EPHA5: variants seen among roughly 807,000 people sequenced by gnomAD.
The protein encoded by EPHA5 is ephrin type-A receptor 5.
In EPHA5, 60 loss-of-function variants were observed where a neutral mutation model predicts 105.0. The observed-to-expected ratio is 0.57, with a 90% CI of 0.46 to 0.71. EPHA5 has a LOEUF of 0.71. Among genes scored for constraint, EPHA5 ranks in the 30% least tolerant of loss-of-function variants. The pLI, the probability that EPHA5 is intolerant of heterozygous loss-of-function variation, is 0.00. For missense variants in EPHA5, 1,218 were observed against 1,274.7 expected (o/e 0.96, Z 0.68); for synonymous variants, 513 against 449.1 (o/e 1.14, Z -1.80).
intron 16 of EPHA5, among the ~76,000 whole-genome samples, chr4:65,325,726 A>G (rs1720014816): frequency 2.6e-5 from 4 of 151,338 alleles, no homozygotes; most frequent in Admixed American, 2.0e-4. Context: ...GAGGAATATA[A>G]GAGACATGAG....
rs775015392 is a variant in EPHA5, at chr4:65,324,074, T to C, written c.*40A>G. The stretch of plus-strand genomic sequence containing the variant: ...ATAAATCTCAGTGCTGTTTACAAAG[T>C]GCAGAATCATTCACTTGAAGAAGCG... On this transcript the variant is annotated 3_prime_UTR_variant, in exon 17 of 17. Coordinates refer to ENST00000613740, the MANE Select transcript of EPHA5 (RefSeq NM_001281766.3). The C allele has an allele frequency of 6.8e-6, 9 of 1,329,606 alleles. No homozygotes were observed. Among genetic ancestry groups the C allele is most frequent in the Non-Finnish European group, 9.7e-6 (9 of 923,162 alleles). The allele number at this position is 1,329,606 out of a possible 1,614,324, so 82.4% of individuals were successfully genotyped here.
At chr4:65,634,431 G>A (rs1027273685) in intron 2 of EPHA5, among the ~76,000 whole-genome samples, 5 of 151,938 alleles carry the variant, frequency 3.3e-5, no homozygotes, top group Non-Finnish European at 7.4e-5. Flanking sequence ...CAGAAGCAGA[G>A]AAGAACATTT....
chr4:65,501,791 T>C (rs1294531899), intron 3 of EPHA5, among the ~76,000 whole-genome samples: 5 of 147,424 alleles, frequency 3.4e-5, no homozygotes, highest in Non-Finnish European at 7.6e-5. Context: ...CCCAAATAGC[T>C]GAAGTAATCT....
At position 65,339,249 on chromosome 4, in the gene EPHA5, T is replaced by C. The variant is rs545575686; in HGVS notation, c.2596-3124A>G. Among the ~76,000 whole-genome samples the C allele has an allele frequency of 9.2e-5, 14 of 152,240 alleles. No individual in the cohort carries two copies. The South Asian group carries it at 2.9e-3, about 32-fold the overall frequency. On this transcript the variant is annotated intron_variant, in intron 14 of 16. Transcript: ENST00000613740. ...TTGGGTTAGCATTTTTAGGTGTATATACCTGTTGTGGGTATGGTTGCTTTT... is the reference window on the plus strand; with the variant it reads ...TTGGGTTAGCATTTTTAGGTGTATACACCTGTTGTGGGTATGGTTGCTTTT...
chr4:65,371,550 T>C (rs535043835), intron 8 of EPHA5, among the ~76,000 whole-genome samples: 1 of 152,200 alleles, frequency 6.6e-6, no homozygotes, highest in African/African-American at 2.4e-5. Flanking sequence ...TATGTAGAGA[T>C]GGACAGCCAA....
At chr4:65,626,488 A>G (rs1362170160) in intron 2 of EPHA5, among the ~76,000 whole-genome samples, 2 of 152,228 alleles carry the variant, frequency 1.3e-5, no homozygotes, top group Non-Finnish European at 2.9e-5. Flanking sequence ...TATGAGAATT[A>G]TACTGCTTCA....
intron 12 of EPHA5, among the ~76,000 whole-genome samples, chr4:65,352,251 G>A (rs1722887574): frequency 6.6e-6 from 1 of 151,978 alleles, no homozygotes; most frequent in African/African-American, 2.4e-5. Flanking sequence ...GCAGTAGGAA[G>A]AAAAATTTGA....
chr4:65,408,939 C>A (rs1332342044), intron 7 of EPHA5, among the ~76,000 whole-genome samples: 1 of 151,828 alleles, frequency 6.6e-6, no homozygotes, highest in Non-Finnish European at 1.5e-5. Context: ...TGAACCAACC[C>A]AAATGTCCAA....
chr4:65,528,732 C>G (rs1735477243), intron 3 of EPHA5, among the ~76,000 whole-genome samples: 1 of 152,130 alleles, frequency 6.6e-6, no homozygotes, highest in African/African-American at 2.4e-5. Context: ...TCACATTCTG[C>G]CATTCCTAGG....
intron 5 of EPHA5, among the ~76,000 whole-genome samples, chr4:65,438,043 G>C (rs1199597846): frequency 6.6e-6 from 1 of 151,912 alleles, no homozygotes; most frequent in African/African-American, 2.4e-5. Context: ...CAGCATCATA[G>C]TAGGATCATT....
At chr4:65,380,126 G>A (rs1161004172) in intron 8 of EPHA5, among the ~76,000 whole-genome samples, 1 of 151,772 alleles carries the variant, frequency 6.6e-6, no homozygotes, top group Non-Finnish European at 1.5e-5. Context: ...AATCTTATCT[G>A]TGAGCTCTGA....
intron 5 of EPHA5, among the ~76,000 whole-genome samples, chr4:65,451,473 T>TA (rs1272966792): frequency 6.6e-6 from 1 of 152,116 alleles, no homozygotes; most frequent in Non-Finnish European, 1.5e-5. Context: ...AAGTTATATT[T>TA]AAAAATAGAA....
intron 3 of EPHA5, among the ~76,000 whole-genome samples, chr4:65,520,150 A>G (rs1034927583): frequency 4.6e-5 from 7 of 152,192 alleles, no homozygotes; most frequent in Admixed American, 2.6e-4. Flanking sequence ...ACAGTAACCA[A>G]AACAGCATGG....
intron 3 of EPHA5, among the ~76,000 whole-genome samples, chr4:65,522,056 C>T (rs1257716508): frequency 1.3e-5 from 2 of 151,836 alleles, no homozygotes; most frequent in African/African-American, 4.8e-5. Flanking sequence ...CTCAAAAACC[C>T]ATCTTGGATC....
chr4:65,526,655 T>C lies in EPHA5; in HGVS notation c.911-31112A>G, dbSNP rs112171793. Among the ~76,000 whole-genome samples, 347 of 152,076 alleles carry C rather than the reference T, an allele frequency of 2.3e-3. 1 individual carries two copies. The highest frequency in any genetic ancestry group is 8.0e-3 in the African/African-American group (333 of 41,534). ...AGTATCTACATGAGCTCAAATCATT[T>C]AGAGCAATAAATTAAGCCTGATCTC... On this transcript the variant is annotated intron_variant, in intron 3 of 16. Coordinates refer to ENST00000613740, the MANE Select transcript of EPHA5 (RefSeq NM_001281766.3).
At chr4:65,579,686 A>G (rs891181055) in intron 3 of EPHA5, among the ~76,000 whole-genome samples, 13 of 151,882 alleles carry the variant, frequency 8.6e-5, no homozygotes, top group East Asian at 3.9e-4. Context: ...TCTGTGATTT[A>G]AAGATGAATA....
At chr4:65,653,224 A>T (rs749189948) in intron 1 of EPHA5, among the ~76,000 whole-genome samples, 1 of 152,128 alleles carries the variant, frequency 6.6e-6, no homozygotes, top group Non-Finnish European at 1.5e-5. Context: ...GTGATGGCAC[A>T]TACCAAAAAT....
At chr4:65,553,014 A>G (rs1208086855) in intron 3 of EPHA5, among the ~76,000 whole-genome samples, 1 of 152,048 alleles carries the variant, frequency 6.6e-6, no homozygotes, top group African/African-American at 2.4e-5. Context: ...GCATTTATCC[A>G]TTTTAGATAG....
intron 1 of EPHA5, among the ~76,000 whole-genome samples, chr4:65,645,560 C>G (rs1008641683): frequency 5.3e-5 from 8 of 151,452 alleles, no homozygotes; most frequent in Non-Finnish European, 1.2e-4. Flanking sequence ...GATGGTTTTT[C>G]AAGATTCAGT....
Sources: gnomAD v4.1 joint callset for allele counts (sites outside exome capture counted in the v4.1 genomes callset) on GRCh38, gnomAD v4.1.1 for gene constraint, MANE v1.5 for transcripts, NCBI Gene and HGNC (gene_info 2026-07-23, HGNC 2026-07-21) for gene names.